The following FSTL5 variants were observed in gnomAD, a reference collection of about 807,000 sequenced individuals.
FSTL5 encodes the protein follistatin-related protein 5.
In FSTL5, 62 loss-of-function variants were observed where a neutral mutation model predicts 89.1. That is an observed-to-expected ratio of 0.70 (90% confidence interval 0.57 to 0.86). The LOEUF is 0.86. Among genes scored for constraint, FSTL5 ranks in the 40% least tolerant of loss-of-function variants. The pLI is 0.00. For synonymous variants in FSTL5, 383 were observed against 346.2 expected (o/e 1.11, Z -1.18); for missense variants, 1,057 against 1,001.6 (o/e 1.06, Z -0.75).
chr4:162,160,833 A>C (rs1733667537), intron 1 of FSTL5, among the ~76,000 whole-genome samples: 1 of 147,304 alleles, frequency 6.8e-6, no homozygotes, highest in Admixed American at 6.7e-5. Context: ...AAAACAAAAC[A>C]AAAAAAAAGC....
intron 3 of FSTL5, among the ~76,000 whole-genome samples, chr4:161,997,937 A>G (rs972143160): frequency 6.6e-6 from 1 of 152,128 alleles, no homozygotes; most frequent in African/African-American, 2.4e-5. Context: ...GAATATATAG[A>G]GGTGTGTGAA....
intron 1 of FSTL5, among the ~76,000 whole-genome samples, chr4:162,153,756 A>ATATATG (rs1733352367): frequency 1.2e-5 from 1 of 85,142 alleles, no homozygotes; most frequent in Admixed American, 1.6e-4. Flanking sequence ...ATATACATGT[A>ATATATG]TATATACATG....
intron 3 of FSTL5, among the ~76,000 whole-genome samples, chr4:162,008,040 C>T (rs769951840): frequency 1.1e-4 from 17 of 151,672 alleles, no homozygotes; most frequent in Admixed American, 3.9e-4. Flanking sequence ...TATCAAAATA[C>T]GTACTTATAA....
At position 162,102,640 on chromosome 4, in the gene FSTL5, T is replaced by C. The variant is rs544480453; in HGVS notation, c.126+8631A>G. ...ATAAAATATTTATAACATATATAAA[T>C]ATGTATATTTATATATACATATATA... On this transcript the variant is annotated intron_variant, in intron 2 of 15. Coordinates refer to ENST00000306100, the MANE Select transcript of FSTL5 (RefSeq NM_020116.5). 3.6e-3 allele frequency among the ~76,000 whole-genome samples: 525 copies of C among 146,136 alleles called. 3 individuals carry two copies. Among genetic ancestry groups the C allele is most frequent in the African/African-American group, 0.012 (483 of 40,440 alleles).
At chr4:162,145,555 C>T (rs1337302144) in intron 1 of FSTL5, among the ~76,000 whole-genome samples, 1 of 152,038 alleles carries the variant, frequency 6.6e-6, no homozygotes, top group Non-Finnish European at 1.5e-5. Context: ...GAAGAGTAGC[C>T]TATCTCATGA....
At chr4:161,971,721 GA>G (rs1475597358) in intron 3 of FSTL5, among the ~76,000 whole-genome samples, 1 of 152,108 alleles carries the variant, frequency 6.6e-6, no homozygotes. Flanking sequence ...TAATGCAAAA[GA>G]CACTAGTTAT....
intron 7 of FSTL5, among the ~76,000 whole-genome samples, chr4:161,596,990 C>T (rs1252806174): frequency 1.3e-5 from 2 of 152,162 alleles, no homozygotes; most frequent in Middle Eastern, 3.4e-3. Context: ...TGCCTGTTCA[C>T]TCTGATGGTA....
At chr4:161,477,348 T>C (rs1402222080) in intron 13 of FSTL5, among the ~76,000 whole-genome samples, 1 of 150,916 alleles carries the variant, frequency 6.6e-6, no homozygotes, top group African/African-American at 2.4e-5. Context: ...TATATTTTTT[T>C]CCATTTGAGT....
Position 161,602,253 on chromosome 4 carries a change from A to AAGAGAGAGAG in FSTL5, c.895-14688_895-14679dup, listed in dbSNP as rs58991875. Among the ~76,000 whole-genome samples, 930 of 122,740 alleles carry AAGAGAGAGAG rather than the reference A, an allele frequency of 7.6e-3. 27 individuals carry two copies. Among genetic ancestry groups the AAGAGAGAGAG allele is most frequent in the African/African-American group, 0.028 (877 of 30,834 alleles). 80.5% of individuals were successfully genotyped at this position (122,740 alleles called of 152,430 possible). On this transcript the variant is annotated intron_variant, in intron 7 of 15. Transcript: ENST00000306100. ...TGAGAGAGTGAGAGAGAGGGAGAGA[A>AAGAGAGAGAG]AGAGAGAGAGAGAGAGAGAGAGAGA...
At chr4:161,725,206 T>A (rs548109685) in intron 6 of FSTL5, among the ~76,000 whole-genome samples, 2 of 151,924 alleles carry the variant, frequency 1.3e-5, no homozygotes, top group South Asian at 4.2e-4. Flanking sequence ...AAAAAATAAC[T>A]CTGAAAATTT....
chr4:161,988,472 A>G (rs1736025513), intron 3 of FSTL5, among the ~76,000 whole-genome samples: 1 of 152,200 alleles, frequency 6.6e-6, no homozygotes, highest in South Asian at 2.1e-4. Context: ...ATTTCTGTAC[A>G]AAGTAAAGAT....
intron 4 of FSTL5, among the ~76,000 whole-genome samples, chr4:161,777,922 T>C (rs962547716): frequency 5.9e-5 from 9 of 152,036 alleles, no homozygotes; most frequent in Admixed American, 5.9e-4. Flanking sequence ...GGTGAAACCC[T>C]GTCTCTACTA....
chr4:161,597,033 C>A (rs912314956), intron 7 of FSTL5, among the ~76,000 whole-genome samples: 3 of 151,876 alleles, frequency 2.0e-5, no homozygotes, highest in East Asian at 1.9e-4. Flanking sequence ...TCTTTAGTTT[C>A]ATTAGATCCC....
At chr4:161,607,537 A>G (rs982472093) in intron 7 of FSTL5, among the ~76,000 whole-genome samples, 31 of 152,190 alleles carry the variant, frequency 2.0e-4, no homozygotes, top group African/African-American at 7.2e-4. Flanking sequence ...AACTTTCTCT[A>G]AGACAATTTG....
intron 2 of FSTL5, among the ~76,000 whole-genome samples, chr4:162,040,082 G>C (rs536561773): frequency 1.3e-5 from 2 of 152,044 alleles, no homozygotes; most frequent in Non-Finnish European, 2.9e-5. Context: ...AATTTTAGCA[G>C]GCTGACTAGT....
intron 1 of FSTL5, among the ~76,000 whole-genome samples, chr4:162,160,265 A>C (rs1436165963): frequency 6.6e-6 from 1 of 151,854 alleles, no homozygotes; most frequent in East Asian, 1.9e-4. Flanking sequence ...TAATAATATC[A>C]ATTCATCAAT....
chr4:161,966,463 C>A (rs1453201471), intron 3 of FSTL5, among the ~76,000 whole-genome samples: 1 of 151,982 alleles, frequency 6.6e-6, no homozygotes, highest in Non-Finnish European at 1.5e-5. Flanking sequence ...GTATACAAAA[C>A]CCCAGGATTG....
intron 4 of FSTL5, among the ~76,000 whole-genome samples, chr4:161,856,071 A>G (rs1010526403): frequency 6.6e-6 from 1 of 152,112 alleles, no homozygotes; most frequent in Non-Finnish European, 1.5e-5. Context: ...TATAAACCAT[A>G]ATTAGCAATA....
intron 8 of FSTL5, among the ~76,000 whole-genome samples, chr4:161,572,895 A>G (rs1298297598): frequency 1.3e-5 from 2 of 152,244 alleles, no homozygotes; most frequent in Non-Finnish European, 2.9e-5. Flanking sequence ...GAAAAAACAT[A>G]GAGCATTAAA....
Sources: gnomAD v4.1 joint callset for allele counts (sites outside exome capture counted in the v4.1 genomes callset) on GRCh38, gnomAD v4.1.1 for gene constraint, MANE v1.5 for transcripts, NCBI Gene and HGNC (gene_info 2026-07-23, HGNC 2026-07-21) for gene names.